CNTLN: variants seen among roughly 807,000 people sequenced by gnomAD.
The protein encoded by CNTLN is centlein, also known as centlein, centrosomal protein.
CNTLN carries 212 observed loss-of-function variants against 180.0 expected under a neutral mutation model. The ratio of observed to expected loss-of-function variants is 1.18; its 90% CI spans 1.05 to 1.32. The LOEUF is 1.32. Ranked by LOEUF, CNTLN falls within the 40% of genes most tolerant of loss-of-function variation. The probability of loss-of-function intolerance (pLI) is 0.00; values close to 1 mark genes in which losing one functional copy is unlikely to be tolerated. For synonymous variants in CNTLN, 722 were observed against 563.1 expected, an observed-to-expected ratio of 1.28 and a Z score of -3.99; for missense variants, 2,095 against 1,610.9, an observed-to-expected ratio of 1.30 and a Z score of -5.14.
chr9:17,175,171 A>C (rs1407633792), intron 2 of CNTLN, among the ~76,000 whole-genome samples: 2 of 152,106 alleles, frequency 1.3e-5, no homozygotes, highest in Admixed American at 1.3e-4. Flanking sequence ...TTTTTTCTTC[A>C]ATGGGTATGT....
At chr9:17,401,084 G>T (rs953919665) in intron 15 of CNTLN, among the ~76,000 whole-genome samples, 3 of 152,224 alleles carry the variant, frequency 2.0e-5, no homozygotes, top group Non-Finnish European at 4.4e-5. Context: ...CGGTTTGTCT[G>T]TACTTTCTGA....
intron 13 of CNTLN, among the ~76,000 whole-genome samples, chr9:17,379,656 G>A (rs1213233053): frequency 6.6e-6 from 1 of 151,932 alleles, no homozygotes; most frequent in Non-Finnish European, 1.5e-5. Context: ...CATATAGAAG[G>A]GAAAATCTGC....
In CNTLN at chr9:17,297,452, T is replaced by G. The variant is rs142541112; in HGVS notation, c.984-738T>G. On this transcript the variant is annotated intron_variant, in intron 6 of 25. Coordinates refer to ENST00000380647, the MANE Select transcript of CNTLN (RefSeq NM_017738.4). ...ATTAATTATACAAAAGAATTCCCAG[T>G]TTGTATAATCTGTATCACACAGGAT... Among the ~76,000 whole-genome samples, 45 of 152,328 alleles carry G rather than the reference T, an allele frequency of 3.0e-4. No individual in the cohort carries two copies. The East Asian group carries it at 8.3e-3, about 28-fold the overall frequency.
intron 3 of CNTLN, among the ~76,000 whole-genome samples, chr9:17,234,582 A>C (rs1825018838): frequency 6.6e-6 from 1 of 152,164 alleles, no homozygotes; most frequent in Admixed American, 6.6e-5. Flanking sequence ...CAATTTGATA[A>C]GGAAGAAATG....
intron 6 of CNTLN, among the ~76,000 whole-genome samples, chr9:17,276,011 G>C (rs1828285258): frequency 6.6e-6 from 1 of 152,040 alleles, no homozygotes; most frequent in Admixed American, 6.6e-5. Flanking sequence ...TGCATGGGTG[G>C]AAAAATCTAC....
intron 5 of CNTLN, among the ~76,000 whole-genome samples, chr9:17,255,409 T>A (rs1222106710): frequency 6.6e-6 from 1 of 151,750 alleles, no homozygotes; most frequent in East Asian, 1.9e-4. Flanking sequence ...GGGTGTTCAA[T>A]CTTGTCAAAT....
At chr9:17,509,160 T>A in the CNTLN span, among the ~76,000 whole-genome samples, 1 of 152,172 alleles carries the variant, frequency 6.6e-6, no homozygotes, top group Non-Finnish European at 1.5e-5. Context: ...AGCAGGAATT[T>A]TCACTCACCA....
At chr9:17,470,233 C>T (rs1831981600) in intron 23 of CNTLN, among the ~76,000 whole-genome samples, 1 of 151,784 alleles carries the variant, frequency 6.6e-6, no homozygotes, top group Non-Finnish European at 1.5e-5. Context: ...AAGAATAGTA[C>T]TGGACTTATA....
chr9:17,207,473 C>T (rs1823003734), intron 2 of CNTLN, among the ~76,000 whole-genome samples: 1 of 152,122 alleles, frequency 6.6e-6, no homozygotes, highest in Non-Finnish European at 1.5e-5. Context: ...AGACCCAGGT[C>T]CCTGGTGGTG....
At position 17,502,694 on chromosome 9, in the gene CNTLN, A is replaced by C. The variant is rs377756384; in HGVS notation, c.*42A>C. The C allele has an allele frequency of 1.3e-6, 1 of 751,850 alleles. No homozygotes were observed. The highest frequency in any genetic ancestry group is 2.1e-6 in the Non-Finnish European group (1 of 478,568). The allele number at this position is 751,850 out of a possible 1,614,324, so 46.6% of individuals were successfully genotyped here. On this transcript the variant is annotated 3_prime_UTR_variant, in exon 26 of 26. Transcript: ENST00000380647. ...TTTATTGCAAATGTGAAAACTTTTT[A>C]TGTGGTGTGATTGGAATACATGCAT...
chr9:17,179,882 C>G (rs1347073838), intron 2 of CNTLN, among the ~76,000 whole-genome samples: 1 of 152,082 alleles, frequency 6.6e-6, no homozygotes, highest in Admixed American at 6.5e-5. Flanking sequence ...TTTAGGATCA[C>G]TACGTCTTCT....
chr9:17,279,230 G>A (rs984243127), intron 6 of CNTLN, among the ~76,000 whole-genome samples: 2 of 151,980 alleles, frequency 1.3e-5, no homozygotes, highest in African/African-American at 4.8e-5. Flanking sequence ...ATCTTCTCTT[G>A]TATAACCACA....
chr9:17,484,537 G>A, intron 24 of CNTLN, 57 bp downstream of exon 24: 1 of 1,362,994 alleles, frequency 7.3e-7, no homozygotes, highest in Non-Finnish European at 1.0e-6. Flanking sequence ...GACTTAAGTA[G>A]ATATTTTTAT....
intron 15 of CNTLN, among the ~76,000 whole-genome samples, chr9:17,398,786 C>T (rs147394464): frequency 3.9e-5 from 6 of 152,186 alleles, no homozygotes; most frequent in South Asian, 2.1e-4. Flanking sequence ...GGTTGCAAAA[C>T]GTGCCATACC....
At chr9:17,493,938 G>A (rs1833305898) in intron 25 of CNTLN, among the ~76,000 whole-genome samples, 1 of 152,148 alleles carries the variant, frequency 6.6e-6, no homozygotes, top group African/African-American at 2.4e-5. Context: ...TCTGTCTCAC[G>A]TTAGCATGAG....
chr9:17,254,736 A>ACTG (rs1563924162), intron 5 of CNTLN, among the ~76,000 whole-genome samples: 2 of 150,960 alleles, frequency 1.3e-5, no homozygotes, highest in African/African-American at 4.9e-5. Flanking sequence ...GTTCTCCAAT[A>ACTG]TTGTTGTTTT....
At chr9:17,439,431 T>C (rs774951060) in intron 18 of CNTLN, among the ~76,000 whole-genome samples, 21 of 152,120 alleles carry the variant, frequency 1.4e-4, no homozygotes, top group Non-Finnish European at 2.8e-4. Context: ...GATGCGAATT[T>C]ATAGAGGCAT....
the CNTLN span, among the ~76,000 whole-genome samples, chr9:17,512,205 A>G: frequency 3.9e-5 from 6 of 152,234 alleles, no homozygotes; most frequent in African/African-American, 1.4e-4. Flanking sequence ...TGAAAGCAGG[A>G]AGCAGGCAGT....
rs979379059 is a variant in CNTLN, at chr9:17,461,201, A to G, written c.3307-1715A>G. Among the ~76,000 whole-genome samples the G allele has an allele frequency of 2.6e-5, 4 of 151,562 alleles. No individual in the cohort carries two copies. The Admixed American group carries it at 2.6e-4, about 10-fold the overall frequency. On this transcript the variant is annotated intron_variant, in intron 19 of 25. Coordinates refer to ENST00000380647, the MANE Select transcript of CNTLN (RefSeq NM_017738.4). ...TATGATATGATATCACTATATTAAC[A>G]TATCACTATTAGCTTAGCATAATCA...
Sources: allele counts gnomAD v4.1 joint callset (sites outside exome capture counted in the v4.1 genomes callset), GRCh38; gene constraint gnomAD v4.1.1; transcripts MANE v1.5; gene names NCBI Gene and HGNC (gene_info 2026-07-23, HGNC 2026-07-21).